Variants in FGF13 observed in about 807,000 individuals in gnomAD.
FGF13 encodes fibroblast growth factor 13.
FGF13 carries 2 observed loss-of-function variants against 19.5 expected under a neutral mutation model. The ratio of observed to expected loss-of-function variants is 0.10; its 90% CI spans 0.04 to 0.32. The LOEUF (loss-of-function observed/expected upper bound fraction) is 0.32, where lower values mean the gene tolerates loss of function less well. Among genes scored for constraint, FGF13 ranks in the 10% least tolerant of loss-of-function variants. The pLI is 1.00. For missense variants in FGF13, 113 were observed against 192.7 expected, an observed-to-expected ratio of 0.59 and a Z score of 2.45; for synonymous variants, 72 against 76.9, an observed-to-expected ratio of 0.94 and a Z score of 0.33.
intron 3 of FGF13, among the ~76,000 whole-genome samples, chrX:138,811,618 T>A (rs1344537222): frequency 9.0e-6 from 1 of 110,793 alleles, no homozygotes; most frequent in Non-Finnish European, 1.9e-5. Flanking sequence ...AATAAAAAAA[T>A]AGTTTTCTGC....
intron 3 of FGF13, among the ~76,000 whole-genome samples, chrX:138,642,628 AGGCCTGGCTATAT>A (rs1395151645): frequency 8.9e-6 from 1 of 112,491 alleles, no homozygotes; most frequent in Non-Finnish European, 1.9e-5. Flanking sequence ...TACAAAAAAA[AGGCCTGGCTATAT>A]GTGTTTTATT....
chrX:139,195,837 A>G (rs1194751781), intron 1 of FGF13, among the ~76,000 whole-genome samples: 3 of 112,718 alleles, frequency 2.7e-5, no homozygotes, highest in Non-Finnish European at 5.6e-5. Flanking sequence ...TAAAGCTTGC[A>G]CTTTTTTATT....
At chrX:138,669,851 C>T (rs1334259721) in intron 3 of FGF13, among the ~76,000 whole-genome samples, 1 of 111,200 alleles carries the variant, frequency 9.0e-6, no homozygotes, top group Non-Finnish European at 1.9e-5. Context: ...GCATTTTTTC[C>T]TTTAGATCTA....
chrX:138,962,789 T>C (rs1220768436), intron 1 of FGF13, among the ~76,000 whole-genome samples: 1 of 111,282 alleles, frequency 9.0e-6, no homozygotes, highest in Non-Finnish European at 1.9e-5. Context: ...AGGTGGGAAT[T>C]GAACAATGAG....
chrX:139,039,685 G>C (rs908058746), intron 1 of FGF13, among the ~76,000 whole-genome samples: 1 of 111,464 alleles, frequency 9.0e-6, no homozygotes, highest in African/African-American at 3.3e-5. Flanking sequence ...GGCTATTTAA[G>C]AGATTTCTAA....
chrX:139,168,739 A>G (rs371097733), intron 1 of FGF13, among the ~76,000 whole-genome samples: 1 of 112,065 alleles, frequency 8.9e-6, no homozygotes, highest in Non-Finnish European at 1.9e-5. Flanking sequence ...TGGTGGGTCC[A>G]TGAGTACCCC....
At chrX:139,075,698 C>CCGT (rs2083327824) in intron 1 of FGF13, among the ~76,000 whole-genome samples, 1 of 111,782 alleles carries the variant, frequency 8.9e-6, no homozygotes, top group African/African-American at 3.3e-5. Flanking sequence ...CTCTCTTTTC[C>CCGT]CGTCTATTTT....
intron 1 of FGF13, among the ~76,000 whole-genome samples, chrX:138,997,255 A>G (rs1382227475): frequency 8.9e-6 from 1 of 112,201 alleles, no homozygotes; most frequent in Non-Finnish European, 1.9e-5. Flanking sequence ...GAAAATTCCC[A>G]AAACAAGACC....
At position 139,183,693 on chromosome X, in the gene FGF13, C is replaced by T. The variant is rs150184122; in HGVS notation, c.-113+19723G>A. On this transcript the variant is annotated intron_variant, in intron 1 of 2. Coordinates refer to the FGF13 transcript ENST00000421460. ...GCTGGTACTACACTTGTTGCACAGCCCACAGAACCATGAGCTAAATAAACC... is the reference window on the plus strand; with the variant it reads ...GCTGGTACTACACTTGTTGCACAGCTCACAGAACCATGAGCTAAATAAACC... Among the ~76,000 whole-genome samples, 813 of 111,936 alleles carry T rather than the reference C, an allele frequency of 7.3e-3. 7 individuals carry two copies. The highest frequency in any genetic ancestry group is 0.025 in the African/African-American group (762 of 30,795).
intron 1 of FGF13, among the ~76,000 whole-genome samples, chrX:138,917,155 C>T (rs1401532859): frequency 1.8e-5 from 2 of 111,807 alleles, no homozygotes; most frequent in South Asian, 7.5e-4. Flanking sequence ...GGAAAATGCA[C>T]GTTTAGTTTT....
At chrX:138,672,780 T>C (rs2089627275) in intron 3 of FGF13, among the ~76,000 whole-genome samples, 1 of 110,890 alleles carries the variant, frequency 9.0e-6, no homozygotes, top group Non-Finnish European at 1.9e-5. Flanking sequence ...AAGACCAAGT[T>C]CAAGGATGAG....
intron 1 of FGF13, among the ~76,000 whole-genome samples, chrX:138,931,125 C>T (rs1401505330): frequency 8.9e-6 from 1 of 112,820 alleles, no homozygotes; most frequent in Non-Finnish European, 1.9e-5. Flanking sequence ...CTGACTCTAA[C>T]TACCCAAAAT....
chrX:139,010,587 A>C (rs2092124055), intron 1 of FGF13, among the ~76,000 whole-genome samples: 1 of 111,897 alleles, frequency 8.9e-6, no homozygotes. Context: ...GATGGCTATT[A>C]AAAAATTCTT....
rs534610440 is a variant in FGF13 at position 138,951,441 on chromosome X, T to A, written c.-112-86791A>T. On this transcript the variant is annotated intron_variant, in intron 1 of 2. Coordinates refer to the FGF13 transcript ENST00000421460. ...CATCAAAATTGAAATATTCTGTACATCAAAAGAACAGAAAAAGATTAAGTA... is the reference window on the plus strand; with the variant it reads ...CATCAAAATTGAAATATTCTGTACAACAAAAGAACAGAAAAAGATTAAGTA... 9.0e-5 allele frequency among the ~76,000 whole-genome samples: 10 copies of A among 110,997 alleles called. No homozygotes were observed. In the South Asian group the frequency reaches 1.9e-3, roughly 21 times the overall value.
intron 3 of FGF13, among the ~76,000 whole-genome samples, chrX:138,821,129 TAG>T (rs2090996362): frequency 9.0e-6 from 1 of 111,182 alleles, no homozygotes; most frequent in South Asian, 3.8e-4. Context: ...ACAAAGAGGC[TAG>T]ATAGGAGAAT....
At chrX:139,020,120 T>TA (rs2092171802) in intron 1 of FGF13, among the ~76,000 whole-genome samples, 2 of 111,339 alleles carry the variant, frequency 1.8e-5, no homozygotes, top group African/African-American at 6.5e-5. Flanking sequence ...ATAATTATAC[T>TA]TTCTCATACT....
intron 1 of FGF13, among the ~76,000 whole-genome samples, chrX:139,127,970 C>T (rs2083729289): frequency 9.0e-6 from 1 of 110,973 alleles, no homozygotes; most frequent in Non-Finnish European, 1.9e-5. Flanking sequence ...GTCTGCCTCT[C>T]TTTCCACTTC....
At chrX:139,165,056 A>G (rs1047998993) in intron 1 of FGF13, among the ~76,000 whole-genome samples, 1 of 112,086 alleles carries the variant, frequency 8.9e-6, no homozygotes, top group African/African-American at 3.2e-5. Flanking sequence ...TGTGATCACA[A>G]TGCTGGTAGA....
intron 1 of FGF13, among the ~76,000 whole-genome samples, chrX:138,726,334 G>A (rs1009672227): frequency 1.8e-5 from 2 of 111,770 alleles, no homozygotes; most frequent in Non-Finnish European, 3.8e-5. Flanking sequence ...ACTTAATTGC[G>A]AATCTTGATC....
Sources: allele counts gnomAD v4.1 joint callset (sites outside exome capture counted in the v4.1 genomes callset), GRCh38; gene constraint gnomAD v4.1.1; transcripts MANE v1.5; gene names NCBI Gene and HGNC (gene_info 2026-07-23, HGNC 2026-07-21).